Variants in EIF4G3 observed in about 807,000 individuals in gnomAD.
The protein encoded by EIF4G3 is eIF-4-gamma 3.
Under a neutral mutation model 186.4 loss-of-function variants are expected in EIF4G3, and 34 were observed. The ratio of observed to expected loss-of-function variants is 0.18; its 90% confidence interval spans 0.14 to 0.24. The LOEUF is 0.24. Among genes scored for constraint, EIF4G3 ranks in the 10% least tolerant of loss-of-function variants. The pLI is 1.00. For synonymous variants in EIF4G3, 673 were observed against 679.5 expected, an observed-to-expected ratio of 0.99 and a Z score of 0.15; for missense variants, 1,536 against 1,948.5, an observed-to-expected ratio of 0.79 and a Z score of 3.99.
rs113398455 is a variant in EIF4G3, at chr1:20,895,051, C to T, written c.2133+317G>A. 6.4e-3 allele frequency among the ~76,000 whole-genome samples: 974 copies of T among 152,024 alleles called. 8 individuals are homozygous for T. Among genetic ancestry groups the T allele is most frequent in the African/African-American group, 0.022 (907 of 41,456 alleles). On this transcript the variant is annotated intron_variant, in intron 17 of 36. Transcript: ENST00000602326. ...TTTTAGAACAATGAGGAAAGACCTCCGTATCAATTTAGCCATGTTTCCCCC... is the reference window on the plus strand; with the variant it reads ...TTTTAGAACAATGAGGAAAGACCTCTGTATCAATTTAGCCATGTTTCCCCC...
At chr1:21,099,832 T>C (rs557701866) in intron 2 of EIF4G3, among the ~76,000 whole-genome samples, 103 of 152,206 alleles carry the variant, frequency 6.8e-4, no homozygotes, top group Non-Finnish European at 1.2e-3. Flanking sequence ...GGTTAAGCAA[T>C]AGAGTCACCA....
chr1:20,905,118 T>C (rs145183563), intron 14 of EIF4G3, 147 bp from the exon 15 acceptor site: 217 of 603,192 alleles, frequency 3.6e-4, no homozygotes, highest in African/African-American at 3.1e-3. Flanking sequence ...AAGTGAACAA[T>C]TGTGTAGTAG....
intron 13 of EIF4G3, among the ~76,000 whole-genome samples, chr1:20,948,723 T>G (rs2096074480): frequency 6.6e-6 from 1 of 151,968 alleles, no homozygotes. Context: ...AAGGATAATT[T>G]TTAGTCCGGG....
At chr1:20,984,772 T>C (rs1474100067) in intron 7 of EIF4G3, among the ~76,000 whole-genome samples, 2 of 151,784 alleles carry the variant, frequency 1.3e-5, no homozygotes, top group African/African-American at 2.4e-5. Flanking sequence ...GTATTTTTAG[T>C]ACAGACAGGG....
chr1:20,813,053 A>T, intron 35 of EIF4G3, 105 bp downstream of exon 35: 1 of 755,296 alleles, frequency 1.3e-6, no homozygotes, highest in Non-Finnish European at 2.2e-6. Flanking sequence ...AAAGTGAGCT[A>T]CATAGGAGAA....
intron 2 of EIF4G3, among the ~76,000 whole-genome samples, chr1:21,139,102 TAAG>T (rs1185446065): frequency 7.9e-5 from 12 of 152,262 alleles, no homozygotes; most frequent in Middle Eastern, 6.8e-3. Context: ...TTCCAAGTTC[TAAG>T]AAGATGTCAA....
At chr1:20,989,284 A>T (rs968063874) in intron 7 of EIF4G3, among the ~76,000 whole-genome samples, 1 of 151,554 alleles carries the variant, frequency 6.6e-6, no homozygotes, top group African/African-American at 2.4e-5. Flanking sequence ...GGCCGGGCAC[A>T]GTGGCTCACG....
At chr1:21,029,062 C>T (rs947039247) in intron 4 of EIF4G3, among the ~76,000 whole-genome samples, 2 of 151,870 alleles carry the variant, frequency 1.3e-5, no homozygotes, top group African/African-American at 4.8e-5. Flanking sequence ...CAAAGTCTCG[C>T]TCTGGGGTAC....
At chr1:20,823,683 T>C (rs1333101803) in intron 33 of EIF4G3, among the ~76,000 whole-genome samples, 3 of 152,108 alleles carry the variant, frequency 2.0e-5, no homozygotes, top group Non-Finnish European at 4.4e-5. Context: ...CCTTTTCTTT[T>C]CTTTTCAAAT....
chr1:20,865,560 TTAA>T (rs2154552374), intron 20 of EIF4G3, among the ~76,000 whole-genome samples: 1 of 151,252 alleles, frequency 6.6e-6, no homozygotes, highest in South Asian at 2.1e-4. Context: ...TAGACCTTAT[TTAA>T]AAAAAAAAAA....
chr1:21,010,412 T>A (rs1398748452), intron 4 of EIF4G3, among the ~76,000 whole-genome samples: 1 of 121,424 alleles, frequency 8.2e-6, no homozygotes, highest in Non-Finnish European at 1.6e-5. Context: ...AGAGCAAGAC[T>A]CTGTCTCAAA....
chr1:20,938,169 A>G (rs1232160395), intron 14 of EIF4G3, among the ~76,000 whole-genome samples: 5 of 151,990 alleles, frequency 3.3e-5, no homozygotes. Context: ...TAATTTTTGT[A>G]TTTTTAGTAG....
At chr1:20,903,291 C>T (rs558460095) in intron 15 of EIF4G3, among the ~76,000 whole-genome samples, 16 of 152,164 alleles carry the variant, frequency 1.1e-4, no homozygotes, top group Non-Finnish European at 1.9e-4. Context: ...AAAATATTTA[C>T]TATCTGGACC....
At chr1:21,062,925 T>C (rs1297726873) in intron 3 of EIF4G3, among the ~76,000 whole-genome samples, 1 of 152,198 alleles carries the variant, frequency 6.6e-6, no homozygotes, top group Non-Finnish European at 1.5e-5. Flanking sequence ...GGTCTGCTGA[T>C]GCTGGGACAG....
At chr1:21,031,218 CAG>C (rs2154571874) in intron 4 of EIF4G3, among the ~76,000 whole-genome samples, 1 of 151,240 alleles carries the variant, frequency 6.6e-6, no homozygotes, top group East Asian at 1.9e-4. Context: ...CAACAACAAA[CAG>C]GGTAGATCCA....
intron 2 of EIF4G3, among the ~76,000 whole-genome samples, chr1:21,156,837 G>A (rs2097669878): frequency 6.6e-6 from 1 of 152,130 alleles, no homozygotes; most frequent in Admixed American, 6.5e-5. Context: ...CACTTTGGGA[G>A]GCTGGAGCCA....
At chr1:20,845,337 C>T (rs1197408181) in intron 29 of EIF4G3, among the ~76,000 whole-genome samples, 1 of 152,012 alleles carries the variant, frequency 6.6e-6, no homozygotes, top group African/African-American at 2.4e-5. Context: ...TGTACCACAC[C>T]ACGTTGTTTT....
chr1:20,944,224 T>C (rs2095847135), intron 13 of EIF4G3, among the ~76,000 whole-genome samples: 1 of 151,830 alleles, frequency 6.6e-6, no homozygotes, highest in Non-Finnish European at 1.5e-5. Flanking sequence ...GCAGTAAATT[T>C]AAAAATAGGG....
At chr1:20,870,293 TG>T (rs1331813012) in intron 20 of EIF4G3, among the ~76,000 whole-genome samples, 8 of 152,130 alleles carry the variant, frequency 5.3e-5, no homozygotes, top group African/African-American at 1.9e-4. Flanking sequence ...ACACTTAAAG[TG>T]GCAATACTAC....
Sources: gnomAD v4.1 joint callset for allele counts (sites outside exome capture counted in the v4.1 genomes callset) on GRCh38, gnomAD v4.1.1 for gene constraint, MANE v1.5 for transcripts, NCBI Gene and HGNC (gene_info 2026-07-23, HGNC 2026-07-21) for gene names.